The following PSD3 variants were observed in gnomAD, a reference collection of about 807,000 sequenced individuals.
PSD3 encodes the protein PH and SEC7 domain-containing protein 3.
In PSD3, 49 loss-of-function variants were observed where a neutral mutation model predicts 105.5. The ratio of observed to expected loss-of-function variants is 0.46; its 90% CI spans 0.37 to 0.59. The LOEUF (loss-of-function observed/expected upper bound fraction) is 0.59, where lower values mean the gene tolerates loss of function less well. PSD3 is among the 20% of genes least tolerant of loss of function. The probability of loss-of-function intolerance (pLI) is 0.00; values close to 1 mark genes in which losing one functional copy is unlikely to be tolerated. For missense variants in PSD3, 1,561 were observed against 1,263.8 expected (o/e 1.24, Z -3.57); for synonymous variants, 557 against 457.8 (o/e 1.22, Z -2.77).
At chr8:18,931,535 G>C (rs896470309) in intron 2 of PSD3, among the ~76,000 whole-genome samples, 4 of 152,084 alleles carry the variant, frequency 2.6e-5, no homozygotes, top group African/African-American at 9.7e-5. Flanking sequence ...ACAAAATTTT[G>C]GTATGTCTTT....
intron 9 of PSD3, among the ~76,000 whole-genome samples, chr8:18,662,380 G>A (rs1041549375): frequency 2.0e-5 from 3 of 152,198 alleles, no homozygotes; most frequent in Admixed American, 1.3e-4. Flanking sequence ...ACTTTACCTA[G>A]TGAAGAATTA....
At chr8:18,724,470 T>C (rs1011251654) in intron 9 of PSD3, among the ~76,000 whole-genome samples, 1 of 151,630 alleles carries the variant, frequency 6.6e-6, no homozygotes, top group African/African-American at 2.4e-5. Context: ...ACATGAGCTG[T>C]GTGGTGGTGT....
At chr8:18,694,330 G>C (rs1801141021) in intron 9 of PSD3, among the ~76,000 whole-genome samples, 1 of 152,222 alleles carries the variant, frequency 6.6e-6, no homozygotes, top group South Asian at 2.1e-4. Context: ...TGAAGTTCCA[G>C]CCAGGCGCGG....
intron 1 of PSD3, among the ~76,000 whole-genome samples, chr8:18,984,291 A>G (rs1257375141): frequency 1.3e-5 from 2 of 151,912 alleles, no homozygotes; most frequent in Non-Finnish European, 1.5e-5. Flanking sequence ...TTGTTAAACC[A>G]CATAACTGAA....
At chr8:18,993,588 T>C (rs2129473695) in intron 1 of PSD3, among the ~76,000 whole-genome samples, 1 of 152,210 alleles carries the variant, frequency 6.6e-6, no homozygotes, top group Middle Eastern at 3.4e-3. Context: ...CAATAAATTG[T>C]AATACTATTT....
At chr8:18,593,849 T>C (rs1803799182) in intron 12 of PSD3, among the ~76,000 whole-genome samples, 1 of 150,784 alleles carries the variant, frequency 6.6e-6, no homozygotes, top group African/African-American at 2.4e-5. Flanking sequence ...CTGGAAACCA[T>C]CATTCTCAGC....
At chr8:18,631,308 C>G (rs1407960731) in intron 11 of PSD3, among the ~76,000 whole-genome samples, 16 of 152,008 alleles carry the variant, frequency 1.1e-4, no homozygotes, top group Admixed American at 1.1e-3. Context: ...AGACCAGTAT[C>G]TCATTCTTAC....
At chr8:18,619,556 C>T (rs11777698) in intron 11 of PSD3, among the ~76,000 whole-genome samples, 6,601 of 151,428 alleles carry the variant, frequency 0.044, 190 homozygotes, top group East Asian at 0.11. Flanking sequence ...GGCAGGAGAA[C>T]GGTTTGAACC....
chr8:18,662,624 C>T (rs932828383), intron 9 of PSD3, among the ~76,000 whole-genome samples: 1 of 152,208 alleles, frequency 6.6e-6, no homozygotes, highest in African/African-American at 2.4e-5. Flanking sequence ...ATTTTCTTTA[C>T]ATGCAATAGG....
At position 18,544,424 on chromosome 8, in the gene PSD3, G is replaced by C. The variant is rs1800338738; in HGVS notation, c.2929-8466C>G. Among the ~76,000 whole-genome samples, 3 of 151,570 alleles carry C rather than the reference G, an allele frequency of 2.0e-5. No individual in the cohort carries two copies. In the South Asian group the frequency reaches 6.3e-4, roughly 32 times the overall value. On this transcript the variant is annotated intron_variant, in intron 15 of 15. Transcript: ENST00000327040. Reference sequence around the variant, plus strand: ...AACATTTTTAAAAAGAAAATGTTCAGGTTTTTTTTTTTTTCTTTTCCCTAT... The same window carrying C: ...AACATTTTTAAAAAGAAAATGTTCACGTTTTTTTTTTTTTCTTTTCCCTAT...
At chr8:18,608,520 C>T (rs17695140) in intron 11 of PSD3, among the ~76,000 whole-genome samples, 3,320 of 152,300 alleles carry the variant, frequency 0.022, 84 homozygotes, top group East Asian at 0.13. Context: ...GGAGCCATCA[C>T]TGAATCTTAA....
chr8:18,579,281 A>G (rs1802660080), intron 12 of PSD3, among the ~76,000 whole-genome samples: 1 of 152,204 alleles, frequency 6.6e-6, no homozygotes, highest in Non-Finnish European at 1.5e-5. Context: ...GCAGGAAGAA[A>G]TAACGGATAA....
chr8:18,850,713 T>A (rs929703156), intron 4 of PSD3, among the ~76,000 whole-genome samples: 11 of 152,030 alleles, frequency 7.2e-5, no homozygotes, highest in African/African-American at 2.7e-4. Flanking sequence ...CACAAAAAGG[T>A]CTTGTAGCTC....
intron 4 of PSD3, among the ~76,000 whole-genome samples, chr8:18,822,944 A>T (rs939907256): frequency 2.6e-4 from 40 of 152,294 alleles, no homozygotes; most frequent in African/African-American, 9.6e-4. Flanking sequence ...CATCCAGCAC[A>T]TGTGCTCACT....
chr8:18,604,717 G>C (rs1804683554), intron 11 of PSD3, among the ~76,000 whole-genome samples: 1 of 152,150 alleles, frequency 6.6e-6, no homozygotes, highest in African/African-American at 2.4e-5. Flanking sequence ...TGGTTTCATG[G>C]GCCAGAGCCA....
chr8:18,777,741 T>A (rs1012563798), intron 8 of PSD3, among the ~76,000 whole-genome samples: 4 of 152,232 alleles, frequency 2.6e-5, no homozygotes, highest in African/African-American at 9.6e-5. Context: ...TCCGGTGCTA[T>A]GAAAGAATAG....
intron 2 of PSD3, among the ~76,000 whole-genome samples, chr8:18,909,749 GCTGGGATTA>G (rs1349370159): frequency 6.6e-6 from 1 of 152,208 alleles, no homozygotes; most frequent in East Asian, 1.9e-4. Flanking sequence ...CTCCCAAAGT[GCTGGGATTA>G]CAGGTGTGAG....
intron 14 of PSD3, chr8:18,557,411 T>C (rs1025037073): frequency 6.5e-6 from 1 of 152,930 alleles, no homozygotes; most frequent in Non-Finnish European, 1.5e-5. Context: ...TATAATATTG[T>C]TGTAAATTAG....
intron 1 of PSD3, among the ~76,000 whole-genome samples, chr8:18,987,174 T>C (rs1239689126): frequency 6.6e-6 from 1 of 152,118 alleles, no homozygotes; most frequent in Non-Finnish European, 1.5e-5. Flanking sequence ...ACACTCACGG[T>C]ATTATTTATT....
Sources: gnomAD v4.1 joint callset for allele counts (sites outside exome capture counted in the v4.1 genomes callset) on GRCh38, gnomAD v4.1.1 for gene constraint, MANE v1.5 for transcripts, NCBI Gene and HGNC (gene_info 2026-07-23, HGNC 2026-07-21) for gene names.